FRMPD1: variants seen among roughly 807,000 people sequenced by gnomAD.
The protein encoded by FRMPD1 is FERM and PDZ domain containing 1, also known as FERM and PDZ domain-containing protein 1.
FRMPD1 carries 76 observed loss-of-function variants against 117.8 expected under a neutral mutation model. The observed-to-expected ratio is 0.65, with a 90% CI of 0.54 to 0.78. FRMPD1 has a LOEUF of 0.78. Among genes scored for constraint, FRMPD1 ranks in the 30% least tolerant of loss-of-function variants. The pLI is 0.00. For missense variants in FRMPD1, 1,786 were observed against 1,964.5 expected, an observed-to-expected ratio of 0.91 and a Z score of 1.72; for synonymous variants, 783 against 770.4, an observed-to-expected ratio of 1.02 and a Z score of -0.27.
chr9:37,632,685 C>G, the FRMPD1 span, among the ~76,000 whole-genome samples: 1 of 152,074 alleles, frequency 6.6e-6, no homozygotes, highest in Non-Finnish European at 1.5e-5. Flanking sequence ...ATTGGCCCAG[C>G]CTGGGTCACA....
intron 1 of FRMPD1, among the ~76,000 whole-genome samples, chr9:37,673,353 A>C (rs1473940198): frequency 6.6e-6 from 1 of 152,246 alleles, no homozygotes; most frequent in Non-Finnish European, 1.5e-5. Context: ...AGCTGATGCA[A>C]GAGGTGGGTT....
At chr9:37,637,341 C>T in the FRMPD1 span, 3 of 891,424 alleles carry the variant, frequency 3.4e-6, no homozygotes, top group East Asian at 2.4e-5. Context: ...CTCTGCTCCG[C>T]CTCCCGTTCC....
rs112499713 is a variant in FRMPD1 at position 37,664,199 on chromosome 9, T to G, written c.-5+13105T>G. On this transcript the variant is annotated intron_variant, in intron 1 of 15. Transcript: ENST00000377765. ...CCGAGATGAAAATGTGGGTGACAGA[T>G]TCAGAGCAGGGAGACCACTGGGCTG... Among the ~76,000 whole-genome samples, 34 of 152,000 alleles carry G rather than the reference T, an allele frequency of 2.2e-4. 1 individual carries two copies. The highest frequency in any genetic ancestry group is 8.0e-4 in the African/African-American group (33 of 41,444).
At chr9:37,702,272 A>G (rs1445712235) in intron 2 of FRMPD1, among the ~76,000 whole-genome samples, 1 of 152,206 alleles carries the variant, frequency 6.6e-6, no homozygotes, top group Non-Finnish European at 1.5e-5. Context: ...TTGCTCATTT[A>G]TTTGCCCAAT....
intron 1 of FRMPD1, among the ~76,000 whole-genome samples, chr9:37,677,870 T>A (rs554590288): frequency 1.5e-4 from 23 of 152,324 alleles, no homozygotes; most frequent in African/African-American, 5.1e-4. Flanking sequence ...TGATTAGGTG[T>A]GTATGTGTCT....
At chr9:37,734,717 T>C (rs903270957) in intron 12 of FRMPD1, among the ~76,000 whole-genome samples, 6 of 152,202 alleles carry the variant, frequency 3.9e-5, no homozygotes, top group African/African-American at 1.4e-4. Flanking sequence ...AGAGAATCAG[T>C]GTTTTGAAAG....
chr9:37,715,127 G>C (rs1823065326), intron 5 of FRMPD1, among the ~76,000 whole-genome samples: 1 of 152,102 alleles, frequency 6.6e-6, no homozygotes, highest in African/African-American at 2.4e-5. Flanking sequence ...TTATGAAAAT[G>C]TTCTGGTTTA....
At chr9:37,701,933 C>G (rs1279486875) in intron 2 of FRMPD1, among the ~76,000 whole-genome samples, 1 of 152,024 alleles carries the variant, frequency 6.6e-6, no homozygotes, top group Non-Finnish European at 1.5e-5. Flanking sequence ...TTTTTGAGAT[C>G]TTCTCGTGTT....
intron 5 of FRMPD1, chr9:37,715,580 A>G: frequency 2.2e-6 from 1 of 453,484 alleles, no homozygotes; most frequent in South Asian, 1.6e-5. Context: ...CTGCTTTGTG[A>G]TGAATTAATT....
At chr9:37,673,869 C>T (rs1413151218) in intron 1 of FRMPD1, among the ~76,000 whole-genome samples, 1 of 152,250 alleles carries the variant, frequency 6.6e-6, no homozygotes, top group Non-Finnish European at 1.5e-5. Flanking sequence ...CTAGGCTGCA[C>T]ACAGCAGGGG....
At position 37,745,181 on chromosome 9, in the gene FRMPD1, T is replaced by A. The variant is rs1824637214; in HGVS notation, c.3149T>A (p.Val1050Asp). The change falls in exon 16 of 16, where the codon GTC becomes GAC. Residue 1050 changes from valine (V) to aspartate (D), a missense_variant. Transcript: ENST00000377765. ...CTAGAGCTCCAGTTGGAGCCCCATG[T>A]CCAGTTGGAAATGGGATTGGAATCT... ...DTLELQLEPH[V>D]QLEMGLESFC... 6.2e-7 allele frequency: 1 copy of A among 1,613,890 alleles called. No homozygotes were observed. Among genetic ancestry groups the A allele is most frequent in the African/African-American group, 1.3e-5 (1 of 74,924 alleles).
chr9:37,669,584 G>C (rs907024427), intron 1 of FRMPD1, among the ~76,000 whole-genome samples: 2 of 152,178 alleles, frequency 1.3e-5, no homozygotes, highest in Admixed American at 6.5e-5. Context: ...TTACCGAAGA[G>C]AGAGTTTCTC....
the FRMPD1 span, among the ~76,000 whole-genome samples, chr9:37,629,530 G>A: frequency 6.6e-6 from 1 of 152,174 alleles, no homozygotes; most frequent in Non-Finnish European, 1.5e-5. Context: ...CCAATTGCAT[G>A]CTCAGGGCAG....
intron 7 of FRMPD1, among the ~76,000 whole-genome samples, chr9:37,726,637 G>T (rs1823628466): frequency 6.6e-6 from 1 of 152,126 alleles, no homozygotes; most frequent in South Asian, 2.1e-4. Context: ...GGCAGAGGTT[G>T]CAGTGAGCCG....
At chr9:37,604,766 C>A in the FRMPD1 span, among the ~76,000 whole-genome samples, 1 of 152,106 alleles carries the variant, frequency 6.6e-6, no homozygotes, top group Non-Finnish European at 1.5e-5. Context: ...AAAGAAAAGA[C>A]CTTCCTGAAA....
At chr9:37,654,745 T>C (rs1247773975) in intron 1 of FRMPD1, among the ~76,000 whole-genome samples, 2 of 152,220 alleles carry the variant, frequency 1.3e-5, no homozygotes, top group Admixed American at 1.3e-4. Flanking sequence ...CATGTACAAC[T>C]AGACAGTCTG....
At chr9:37,731,518 G>T (rs1245739959) in intron 9 of FRMPD1, among the ~76,000 whole-genome samples, 1 of 152,166 alleles carries the variant, frequency 6.6e-6, no homozygotes, top group African/African-American at 2.4e-5. Flanking sequence ...GTGGCCTGGT[G>T]CTCCCCCTAT....
At chr9:37,607,391 ACCT>A in the FRMPD1 span, among the ~76,000 whole-genome samples, 1 of 151,990 alleles carries the variant, frequency 6.6e-6, no homozygotes, top group Admixed American at 6.6e-5. Flanking sequence ...TTGAGCAATG[ACCT>A]CCTCATTAGC....
Position 37,692,687 on chromosome 9 carries a change from A to G in FRMPD1, c.46A>G (p.Arg16Gly), listed in dbSNP as rs753733942. 7.4e-6 allele frequency: 12 copies of G among 1,613,962 alleles called. No homozygotes were observed. The change falls in exon 2 of 16, where the codon AGA (arginine) becomes GGA (glycine). Residue 16 changes from arginine to glycine, a missense_variant. Transcript: ENST00000377765. ...TTTATTCCAGACACGGAAAGCACAT[A>G]GAATAGAACAAATGGTGGCAAGATG... ...TSLFQTRKAH[R>G]IEQMVARWLR... is the part of the protein sequence containing the mutation.
Sources: allele counts gnomAD v4.1 joint callset (sites outside exome capture counted in the v4.1 genomes callset), GRCh38; gene constraint gnomAD v4.1.1; transcripts MANE v1.5; gene names NCBI Gene and HGNC (gene_info 2026-07-23, HGNC 2026-07-21).